Variants in SF3B3 observed in about 807,000 individuals in gnomAD.
The protein encoded by SF3B3 is SAP 130.
Under a neutral mutation model 139.2 loss-of-function variants are expected in SF3B3, and 33 were observed. The ratio of observed to expected loss-of-function variants is 0.24; its 90% CI spans 0.18 to 0.32. The LOEUF is 0.32. Ranked by LOEUF, SF3B3 falls within the 10% of genes least tolerant of loss-of-function variation. The pLI is 1.00. For synonymous variants in SF3B3, 596 were observed against 563.6 expected, an observed-to-expected ratio of 1.06 and a Z score of -0.81; for missense variants, 818 against 1,509.4, an observed-to-expected ratio of 0.54 and a Z score of 7.59.
Position 70,539,134 on chromosome 16 carries a change from A to T in SF3B3, c.994A>T (p.Thr332Ser). The T allele has an allele frequency of 1.2e-6, 2 of 1,614,130 alleles. No individual in the cohort carries two copies. Among genetic ancestry groups the T allele is most frequent in the Non-Finnish European group, 1.7e-6 (2 of 1,179,954 alleles). ...TGAGATCCGGCTCAAATATTTTGAT[A>T]CTGTACCCGTTGCTGCTGCCATGTG... ...VTEIRLKYFD[T>S]VPVAAAMCVL... The change falls in exon 8 of 26, where the codon ACT becomes TCT. Residue 332 changes from threonine (T) to serine (S), a missense_variant. Thr to Ser is a moderately conservative substitution (Grantham distance 58, BLOSUM62 1). Coordinates refer to ENST00000302516, the MANE Select transcript of SF3B3 (RefSeq NM_012426.5).
intron 17 of SF3B3, chr16:70,563,651 C>T (rs1461790711): frequency 2.0e-6 from 1 of 490,256 alleles, no homozygotes; most frequent in African/African-American, 2.0e-5. Context: ...GGAACTAGAA[C>T]TGCTGTGAAT....
intron 18 of SF3B3, 66 bp downstream of exon 18, chr16:70,564,116 T>G: frequency 2.0e-5 from 29 of 1,461,792 alleles, no homozygotes; most frequent in Non-Finnish European, 2.4e-5. Flanking sequence ...AAGTTTAAAC[T>G]GCCCGGCACT....
intron 15 of SF3B3, among the ~76,000 whole-genome samples, chr16:70,557,652 G>T (rs1209559067): frequency 6.6e-6 from 1 of 152,104 alleles, no homozygotes; most frequent in Non-Finnish European, 1.5e-5. Flanking sequence ...GGAGAGGGTT[G>T]TTGTTATTTT....
chr16:70,571,143 C>A lies in SF3B3; in HGVS notation c.3457C>A (p.Pro1153Thr), dbSNP rs1227226784. ...HVEMHLRSEH[P>T]PLCGRDHLSF... ...GGAAATGCACCTGCGGTCTGAACAT[C>A]CCCCTCTCTGTGGGCGGGACCACCT... Residue 1153 changes from proline to threonine, a missense_variant, in exon 25 of 26, where the codon CCC (proline) becomes ACC (threonine). Around this residue, in one of 14 missense-constraint regions of SF3B3, gnomAD observed 44 missense variants for 40.4 expected, o/e 1.09. Coordinates refer to ENST00000302516, the MANE Select transcript of SF3B3 (RefSeq NM_012426.5). 1.2e-6 allele frequency: 2 copies of A among 1,614,042 alleles called. No homozygotes were observed. Among genetic ancestry groups the A allele is most frequent in the Non-Finnish European group, 1.7e-6 (2 of 1,179,960 alleles).
At chr16:70,558,079 A>C (rs1010886908) in intron 15 of SF3B3, among the ~76,000 whole-genome samples, 1 of 152,170 alleles carries the variant, frequency 6.6e-6, no homozygotes, top group Non-Finnish European at 1.5e-5. Flanking sequence ...TTACAAGATC[A>C]GATCATTTGT....
intron 24 of SF3B3, 63 bp downstream of exon 24, chr16:70,570,212 C>T: frequency 5.3e-6 from 8 of 1,504,110 alleles, no homozygotes; most frequent in Non-Finnish European, 6.4e-6. Flanking sequence ...CTGGATCTAC[C>T]TAAGAGGTCA....
At chr16:70,545,962 A>T (rs987355741) in intron 10 of SF3B3, among the ~76,000 whole-genome samples, 20 of 152,136 alleles carry the variant, frequency 1.3e-4, no homozygotes, top group Non-Finnish European at 2.5e-4. Flanking sequence ...TTAGAGCCAT[A>T]GGTCTGGTTT....
chr16:70,534,992 G>A (rs1397022098), intron 5 of SF3B3, among the ~76,000 whole-genome samples: 2 of 152,144 alleles, frequency 1.3e-5, no homozygotes, highest in Admixed American at 6.5e-5. Context: ...TAAAAATACC[G>A]GTGGAAGGTC....
At position 70,532,523 on chromosome 16, in the gene SF3B3, G is replaced by C. The variant is rs1432823420; in HGVS notation, c.615G>C (p.Gln205His). ...DPTGEAAANT[Q>H]QTLTFYELDL... is the part of the protein sequence containing the mutation. ...CAGGGGAAGCAGCAGCTAATACCCA[G>C]CAGACACTTACTTTCTATGAGCTAG... The change falls in exon 5 of 26, where the codon CAG (glutamine) becomes CAC (histidine). Residue 205 changes from glutamine (Q) to histidine (H), a missense_variant. Around this residue, in one of 14 missense-constraint regions of SF3B3, gnomAD observed 144 missense variants for 259.2 expected, o/e 0.56. Transcript: ENST00000302516. 6.2e-7 allele frequency: 1 copy of C among 1,614,094 alleles called. No homozygotes were observed. The highest frequency in any genetic ancestry group is 1.7e-5 in the Admixed American group (1 of 60,010).
chr16:70,529,590 TAGAGGGC>T (rs1276382610), intron 3 of SF3B3: 7 of 206,346 alleles, frequency 3.4e-5, no homozygotes, highest in Non-Finnish European at 6.0e-5. Flanking sequence ...ATCAGGCCTC[TAGAGGGC>T]AGTCATAAAT....
chr16:70,538,130 AG>A, intron 6 of SF3B3, 192 bp from the exon 7 acceptor site: 1 of 723,420 alleles, frequency 1.4e-6, no homozygotes, highest in Non-Finnish European at 2.5e-6. Context: ...TTGGTTACCC[AG>A]ATTTTATTAG....
Position 70,530,774 on chromosome 16 carries a change from A to G in SF3B3, c.427A>G (p.Ile143Val). Reference sequence around the variant, plus strand: ...CATTGAGAAACAGAAATTGGTGTATATTTTGAACAGAGATGCTGCAGCCCG... The same window carrying G: ...CATTGAGAAACAGAAATTGGTGTATGTTTTGAACAGAGATGCTGCAGCCCG... ...SAIEKQKLVY[I>V]LNRDAAARLT... is the part of the protein sequence containing the mutation. Residue 143 changes from isoleucine (I) to valine (V), a missense_variant, in exon 4 of 26, where the codon ATT becomes GTT. Transcript: ENST00000302516. 2 of 1,613,544 alleles carry G rather than the reference A, an allele frequency of 1.2e-6. No individual in the cohort carries two copies. The highest frequency in any genetic ancestry group is 1.7e-6 in the Non-Finnish European group (2 of 1,179,860).
At chr16:70,570,551 C>T (rs755674710) in intron 24 of SF3B3, among the ~76,000 whole-genome samples, 2 of 152,030 alleles carry the variant, frequency 1.3e-5, no homozygotes, top group African/African-American at 2.4e-5. Context: ...AGGGTGGTCT[C>T]GATCTCTTGA....
At chr16:70,563,717 G>A (rs1397687081) in intron 17 of SF3B3, 159 bp from the exon 18 acceptor site, 8 of 626,164 alleles carry the variant, frequency 1.3e-5, no homozygotes, top group South Asian at 2.1e-5. Context: ...TGTCTGCATC[G>A]CAGAGTTTTC....
intron 2 of SF3B3, among the ~76,000 whole-genome samples, chr16:70,527,227 G>T (rs551132538): frequency 6.6e-6 from 1 of 152,172 alleles, no homozygotes; most frequent in Non-Finnish European, 1.5e-5. Flanking sequence ...ATTTGCTTAC[G>T]TTTACCATGT....
chr16:70,532,182 C>G (rs1415142820), intron 4 of SF3B3, among the ~76,000 whole-genome samples: 3 of 151,962 alleles, frequency 2.0e-5, no homozygotes, highest in East Asian at 3.9e-4. Context: ...ATCCCAGCAA[C>G]TCGGGAGGCT....
chr16:70,535,287 A>G, intron 5 of SF3B3, 21 bp from the exon 6 acceptor site: 1 of 1,319,608 alleles, frequency 7.6e-7, no homozygotes, highest in Non-Finnish European at 1.1e-6. Context: ...AGTCACTGCT[A>G]AGTTTTATTT....
intron 17 of SF3B3, among the ~76,000 whole-genome samples, chr16:70,562,030 G>A (rs2050433674): frequency 1.3e-5 from 2 of 152,198 alleles, no homozygotes; most frequent in East Asian, 1.9e-4. Context: ...ATCTTCCTGA[G>A]ATTTCAGATT....
intron 11 of SF3B3, among the ~76,000 whole-genome samples, chr16:70,551,298 G>A (rs2050322652): frequency 6.6e-6 from 1 of 152,192 alleles, no homozygotes; most frequent in Non-Finnish European, 1.5e-5. Context: ...ATTGAGGTAT[G>A]AACTATTGTT....
Sources: allele counts gnomAD v4.1 joint callset (sites outside exome capture counted in the v4.1 genomes callset), GRCh38; gene constraint gnomAD v4.1.1; regional missense constraint gnomAD v4.1.1; transcripts MANE v1.5; gene names NCBI Gene and HGNC (gene_info 2026-07-23, HGNC 2026-07-21).